KLHL1: variants seen among roughly 807,000 people sequenced by gnomAD.
KLHL1 encodes kelch-like protein 1.
A neutral mutation model predicts 77.7 loss-of-function variants in KLHL1; 47 were observed. That is an observed-to-expected ratio of 0.60 (90% CI 0.48 to 0.77). The LOEUF is 0.77. Ranked by LOEUF, KLHL1 falls within the 30% of genes least tolerant of loss-of-function variation. KLHL1 has a pLI of 0.00. For synonymous variants in KLHL1, 360 were observed against 325.2 expected (o/e 1.11, Z -1.15); for missense variants, 925 against 910.8 (o/e 1.02, Z -0.20).
At chr13:70,028,534 A>T (rs1886012656) in intron 1 of KLHL1, among the ~76,000 whole-genome samples, 1 of 152,168 alleles carries the variant, frequency 6.6e-6, no homozygotes, top group African/African-American at 2.4e-5. Context: ...CAGTCTAGGA[A>T]TTCTGCCTGG....
At chr13:69,824,667 T>C (rs1459809949) in intron 6 of KLHL1, among the ~76,000 whole-genome samples, 1 of 152,108 alleles carries the variant, frequency 6.6e-6, no homozygotes, top group African/African-American at 2.4e-5. Context: ...ATGTGTGATT[T>C]CCATTTATGT....
chr13:70,034,802 A>T (rs1886198769), intron 1 of KLHL1, among the ~76,000 whole-genome samples: 1 of 152,172 alleles, frequency 6.6e-6, no homozygotes, highest in Non-Finnish European at 1.5e-5. Context: ...TTAGAATGAG[A>T]TTAATATATT....
In KLHL1 at chr13:70,084,461, C is replaced by CTTTTT. The variant is rs1324246935; in HGVS notation, c.497+22741_497+22742insAAAAA. On this transcript the variant is annotated intron_variant, in intron 1 of 10. Transcript: ENST00000377844. ...GATATTTTCTAGTCTATTTCTTCTT[C>CTTTTT]TTCTTTTTTTTTTTTTGAGACGGAG... is the stretch of plus-strand genomic sequence containing the variant. 8.6e-4 allele frequency among the ~76,000 whole-genome samples: 99 copies of CTTTTT among 115,112 alleles called. 17 individuals are homozygous for CTTTTT. Among genetic ancestry groups the CTTTTT allele is most frequent in the Middle Eastern group, 5.5e-3 (1 of 182 alleles). The allele number at this position is 115,112 out of a possible 152,430, so 75.5% of individuals were successfully genotyped here. A position where few individuals can be genotyped will look rare whatever the true frequency, so the allele number is the denominator to read the frequency against.
intron 3 of KLHL1, among the ~76,000 whole-genome samples, chr13:69,945,184 A>G (rs1883485138): frequency 6.6e-6 from 1 of 151,502 alleles, no homozygotes; most frequent in East Asian, 1.9e-4. Context: ...ACGGGGTTTC[A>G]CCATGTTGGC....
Position 70,033,959 on chromosome 13 carries a change from G to A in KLHL1, c.498-58157C>T, listed in dbSNP as rs190992067. On this transcript the variant is annotated intron_variant, in intron 1 of 10. Coordinates refer to ENST00000377844, the MANE Select transcript of KLHL1 (RefSeq NM_020866.3). ...AAATCCAATCCTTAAGCCCTAATAC[G>A]GACGAAATATAAAATCATCAGGCAC... 1.8e-3 allele frequency among the ~76,000 whole-genome samples: 277 copies of A among 151,984 alleles called. 1 individual carries two copies. The highest frequency in any genetic ancestry group is 6.3e-3 in the African/African-American group (262 of 41,466).
intron 1 of KLHL1, among the ~76,000 whole-genome samples, chr13:70,098,512 A>G (rs1168311608): frequency 1.3e-5 from 2 of 151,910 alleles, no homozygotes; most frequent in African/African-American, 4.8e-5. Context: ...AAATCTTTCA[A>G]TTTAAAAAAA....
intron 3 of KLHL1, among the ~76,000 whole-genome samples, chr13:69,945,830 C>T (rs1026289932): frequency 5.3e-5 from 8 of 151,936 alleles, no homozygotes; most frequent in African/African-American, 1.9e-4. Flanking sequence ...GATGTTTGCT[C>T]AAGAGTAAAG....
At chr13:69,803,242 T>C (rs1251720775) in intron 6 of KLHL1, among the ~76,000 whole-genome samples, 4 of 152,192 alleles carry the variant, frequency 2.6e-5, no homozygotes, top group East Asian at 1.9e-4. Context: ...CCTACATTAC[T>C]ACATTTCATT....
chr13:70,051,133 T>C (rs1401452996), intron 1 of KLHL1, among the ~76,000 whole-genome samples: 1 of 152,052 alleles, frequency 6.6e-6, no homozygotes, highest in Non-Finnish European at 1.5e-5. Context: ...TAGATTACTC[T>C]ACAAAATATT....
At chr13:69,791,490 T>A (rs560404321) in intron 7 of KLHL1, among the ~76,000 whole-genome samples, 1 of 152,062 alleles carries the variant, frequency 6.6e-6, no homozygotes, top group South Asian at 2.1e-4. Context: ...ATTCTTAAAA[T>A]AAAAACCAAA....
chr13:70,032,556 T>C (rs1189223655), intron 1 of KLHL1, among the ~76,000 whole-genome samples: 1 of 152,232 alleles, frequency 6.6e-6, no homozygotes, highest in Non-Finnish European at 1.5e-5. Context: ...TGTAAAATAT[T>C]AGTATCTCAT....
intron 4 of KLHL1, among the ~76,000 whole-genome samples, chr13:69,902,706 G>A (rs983100014): frequency 1.4e-5 from 2 of 144,600 alleles, no homozygotes; most frequent in African/African-American, 5.1e-5. Flanking sequence ...ATTAAACAAT[G>A]AGAACACACA....
At chr13:69,843,912 G>C (rs541798052) in intron 5 of KLHL1, among the ~76,000 whole-genome samples, 4 of 151,380 alleles carry the variant, frequency 2.6e-5, no homozygotes, top group South Asian at 2.1e-4. Flanking sequence ...CCATTAACTC[G>C]TCATTTACAT....
At chr13:69,717,235 T>G (rs1004141588) in intron 9 of KLHL1, among the ~76,000 whole-genome samples, 22 of 152,182 alleles carry the variant, frequency 1.4e-4, no homozygotes, top group African/African-American at 5.3e-4. Flanking sequence ...ATTCTTGCTA[T>G]TTCTAATGAT....
At position 69,865,579 on chromosome 13, in the gene KLHL1, G is replaced by C. The variant is rs187254063; in HGVS notation, c.1227+16704C>G. 2.6e-3 allele frequency among the ~76,000 whole-genome samples: 392 copies of C among 152,170 alleles called. 1 individual carries two copies. The highest frequency in any genetic ancestry group is 0.019 in the Admixed American group (289 of 15,264). On this transcript the variant is annotated intron_variant, in intron 5 of 10. Transcript: ENST00000377844. ...AATACAGGTGGGAAAAGATGTCACA[G>C]GAGTTTGGCAATTTACATGGAGTCC...
At chr13:69,850,346 A>C (rs1879636303) in intron 5 of KLHL1, among the ~76,000 whole-genome samples, 1 of 151,512 alleles carries the variant, frequency 6.6e-6, no homozygotes, top group Admixed American at 6.6e-5. Flanking sequence ...ATGAATACAT[A>C]TTTCCAAAAT....
At chr13:69,968,348 CAA>C (rs1397645367) in intron 2 of KLHL1, among the ~76,000 whole-genome samples, 1 of 148,690 alleles carries the variant, frequency 6.7e-6, no homozygotes, top group Non-Finnish European at 1.5e-5. Context: ...TGCTAAGAAA[CAA>C]ATATAAACAA....
intron 9 of KLHL1, among the ~76,000 whole-genome samples, chr13:69,717,597 A>G (rs1872823389): frequency 1.3e-5 from 2 of 152,256 alleles, no homozygotes; most frequent in East Asian, 1.9e-4. Flanking sequence ...TACATTATAA[A>G]GTCGAGTTGG....
intron 4 of KLHL1, among the ~76,000 whole-genome samples, chr13:69,888,562 A>T (rs576788850): frequency 6.6e-6 from 1 of 152,136 alleles, no homozygotes; most frequent in Admixed American, 6.6e-5. Flanking sequence ...GGCAGAGATT[A>T]TGTGTAGTTA....
Sources: gnomAD v4.1 joint callset for allele counts (sites outside exome capture counted in the v4.1 genomes callset) on GRCh38, gnomAD v4.1.1 for gene constraint, MANE v1.5 for transcripts, NCBI Gene and HGNC (gene_info 2026-07-23, HGNC 2026-07-21) for gene names.